Variants in MYO9A observed in about 807,000 individuals in gnomAD.
The protein encoded by MYO9A is unconventional myosin-IXa.
In MYO9A, 103 loss-of-function variants were observed where a neutral mutation model predicts 293.3. The ratio of observed to expected loss-of-function variants is 0.35; its 90% CI spans 0.30 to 0.41. The LOEUF is 0.41. MYO9A is among the 10% of genes least tolerant of loss of function. The pLI, the probability that MYO9A is intolerant of heterozygous loss-of-function variation, is 1.00. For synonymous variants in MYO9A, 1,001 were observed against 1,035.7 expected (o/e 0.97, Z 0.64); for missense variants, 2,685 against 3,033.0 (o/e 0.89, Z 2.69).
At chr15:72,086,738 G>T (rs1168955835) in intron 1 of MYO9A, among the ~76,000 whole-genome samples, 1 of 109,932 alleles carries the variant, frequency 9.1e-6, no homozygotes, top group Non-Finnish European at 2.0e-5. Flanking sequence ...CATATCCACC[G>T]GGGCTGTTTT....
At chr15:71,939,190 A>T (rs1203520694) in intron 15 of MYO9A, among the ~76,000 whole-genome samples, 1 of 152,138 alleles carries the variant, frequency 6.6e-6, no homozygotes, top group Non-Finnish European at 1.5e-5. Context: ...ACTGGACTGA[A>T]GGCCTAGAAG....
rs973141302 is a variant in MYO9A, at chr15:71,897,931, C to G, written c.4572G>C (p.Glu1524Asp). The change falls in exon 25 of 42, where the codon GAG becomes GAC. Residue 1524 changes from glutamate (E) to aspartate (D), a missense_variant. Around this residue, in one of 10 missense-constraint regions of MYO9A, gnomAD observed 1,434 missense variants for 1,497.7 expected, o/e 0.96. Transcript: ENST00000356056. ...TTGTCTTGAAGGCTTTGCGCTCCTT[C>G]TCTAAAATATCTGTTTGCTGGCGAA... is the stretch of plus-strand genomic sequence containing the variant. ...EQIRQQTDIL[E>D]KERKAFKTIE... 1 of 1,614,044 alleles carries G rather than the reference C, an allele frequency of 6.2e-7. No individual in the cohort carries two copies. Among genetic ancestry groups the G allele is most frequent in the African/African-American group, 1.3e-5 (1 of 74,934 alleles).
At chr15:71,937,891 T>A (rs1032514474) in intron 16 of MYO9A, among the ~76,000 whole-genome samples, 4 of 152,154 alleles carry the variant, frequency 2.6e-5, no homozygotes, top group African/African-American at 9.7e-5. Flanking sequence ...AGGTTAACTA[T>A]CTAATTTGTG....
intron 10 of MYO9A, among the ~76,000 whole-genome samples, chr15:71,993,055 T>C (rs1242052216): frequency 6.6e-6 from 1 of 151,998 alleles, no homozygotes; most frequent in Non-Finnish European, 1.5e-5. Context: ...ATAAATGCCT[T>C]CTAAAAAGGA....
intron 18 of MYO9A, among the ~76,000 whole-genome samples, chr15:71,929,071 A>AT (rs1484561293): frequency 1.4e-5 from 2 of 140,952 alleles, no homozygotes; most frequent in Non-Finnish European, 3.1e-5. Context: ...CACTGTCTCT[A>AT]TTAAAAAAAA....
At chr15:71,965,343 T>G (rs895343746) in intron 13 of MYO9A, among the ~76,000 whole-genome samples, 1 of 152,126 alleles carries the variant, frequency 6.6e-6, no homozygotes, top group Non-Finnish European at 1.5e-5. Flanking sequence ...TTTTTTAAGT[T>G]TTTTTCTTTT....
At chr15:71,858,955 G>A (rs1054372812) in intron 34 of MYO9A, among the ~76,000 whole-genome samples, 1 of 151,748 alleles carries the variant, frequency 6.6e-6, no homozygotes, top group African/African-American at 2.4e-5. Context: ...GTCTCCTAAA[G>A]TACAATTTGC....
At chr15:71,914,393 T>A (rs2057949948) in intron 19 of MYO9A, among the ~76,000 whole-genome samples, 1 of 152,196 alleles carries the variant, frequency 6.6e-6, no homozygotes, top group Non-Finnish European at 1.5e-5. Context: ...CTTTGTGAGT[T>A]CTATGGTATC....
intron 1 of MYO9A, among the ~76,000 whole-genome samples, chr15:72,084,193 T>C (rs2079641035): frequency 6.6e-6 from 1 of 152,234 alleles, no homozygotes; most frequent in Non-Finnish European, 1.5e-5. Context: ...GGTGCATATA[T>C]ATTTAGGATA....
Position 71,995,243 on chromosome 15 carries a change from T to C in MYO9A, c.1471-658A>G, listed in dbSNP as rs77481623. ...CCAGTTACAGTAGGTAAGAGTATTC[T>C]AGGCAGAGGAATAAATCTGTTAGGA... On this transcript the variant is annotated intron_variant, in intron 9 of 41. Coordinates refer to ENST00000356056, the MANE Select transcript of MYO9A (RefSeq NM_006901.4). Among the ~76,000 whole-genome samples the C allele has an allele frequency of 6.2e-3, 952 of 152,334 alleles. 10 individuals are homozygous for C. The highest frequency in any genetic ancestry group is 8.1e-3 in the Non-Finnish European group (552 of 68,024).
At chr15:72,056,715 C>G (rs7173654) in intron 1 of MYO9A, among the ~76,000 whole-genome samples, 1,607 of 152,344 alleles carry the variant, frequency 0.011, 31 homozygotes, top group African/African-American at 0.037. Flanking sequence ...TGGCTCACGC[C>G]TGTTAATCCC....
At chr15:72,007,159 T>C (rs900181371) in intron 8 of MYO9A, among the ~76,000 whole-genome samples, 11 of 152,190 alleles carry the variant, frequency 7.2e-5, no homozygotes, top group Non-Finnish European at 1.5e-4. Flanking sequence ...CACAGGTTAG[T>C]ATATACACAC....
chr15:71,972,189 A>C (rs2076029277), intron 12 of MYO9A: 3 of 152,188 alleles, frequency 2.0e-5, no homozygotes. Flanking sequence ...ATAAAAACCC[A>C]AAAGGACAGC....
chr15:71,983,255 T>G (rs977740321), intron 11 of MYO9A, among the ~76,000 whole-genome samples: 3 of 151,926 alleles, frequency 2.0e-5, no homozygotes, highest in African/African-American at 7.2e-5. Context: ...CCTCTGTATT[T>G]TTTTTCAAGT....
Position 71,914,369 on chromosome 15 carries a change from T to C in MYO9A, c.2685+2001A>G, listed in dbSNP as rs536209651. On this transcript the variant is annotated intron_variant, in intron 19 of 41. Coordinates refer to ENST00000356056, the MANE Select transcript of MYO9A (RefSeq NM_006901.4). ...TTGTTTATAGCAGAAGGGCAATTCC[T>C]ATACCAATTAATCCTTTGTGAGTTC... is the stretch of plus-strand genomic sequence containing the variant. Among the ~76,000 whole-genome samples, 29 of 152,344 alleles carry C rather than the reference T, an allele frequency of 1.9e-4. 1 individual carries two copies. Among genetic ancestry groups the C allele is most frequent in the African/African-American group, 5.3e-4 (22 of 41,590 alleles).
chr15:72,042,671 A>G (rs1018815926), intron 2 of MYO9A, among the ~76,000 whole-genome samples: 1 of 151,894 alleles, frequency 6.6e-6, no homozygotes, highest in African/African-American at 2.4e-5. Flanking sequence ...CAAGCAAGAA[A>G]AAAAAAAAAA....
intron 9 of MYO9A, among the ~76,000 whole-genome samples, chr15:71,999,320 G>T (rs548748940): frequency 6.6e-6 from 1 of 152,100 alleles, no homozygotes; most frequent in Non-Finnish European, 1.5e-5. Context: ...AGGAGCCTCA[G>T]TATACAGATG....
Position 71,938,871 on chromosome 15 carries a change from G to C in MYO9A, c.2359C>G (p.Leu787Val). 1 of 1,608,790 alleles carries C rather than the reference G, an allele frequency of 6.2e-7. No homozygotes were observed. Among genetic ancestry groups the C allele is most frequent in the Non-Finnish European group, 8.5e-7 (1 of 1,177,760 alleles). Residue 787 changes from leucine (L) to valine (V), a missense_variant, in exon 16 of 42, where the codon CTA becomes GTA. Coordinates refer to ENST00000356056, the MANE Select transcript of MYO9A (RefSeq NM_006901.4). ...PLSDLQGMNALNEKNQHDTFD... is the reference protein window; with the variant it reads ...PLSDLQGMNAVNEKNQHDTFD... ...ACTTACTGTTGGTTTTTTTCATTTAGAGCATTCATGCCCTGGAGATCAGAA... is the reference window on the plus strand; with the variant it reads ...ACTTACTGTTGGTTTTTTTCATTTACAGCATTCATGCCCTGGAGATCAGAA...
intron 27 of MYO9A, 65 bp downstream of exon 27, chr15:71,887,939 C>A: frequency 1.1e-6 from 1 of 927,734 alleles, no homozygotes; most frequent in Non-Finnish European, 1.6e-6. Flanking sequence ...AAGCTCAGTA[C>A]TTAACTATAG....
Sources: allele counts gnomAD v4.1 joint callset (sites outside exome capture counted in the v4.1 genomes callset), GRCh38; gene constraint gnomAD v4.1.1; regional missense constraint gnomAD v4.1.1; transcripts MANE v1.5; gene names NCBI Gene and HGNC (gene_info 2026-07-23, HGNC 2026-07-21).